The following EPB41L2 variants were observed in gnomAD, a reference collection of about 807,000 sequenced individuals.
EPB41L2 encodes the protein erythrocyte membrane protein band 4.1 like 2, also known as band 4.1-like protein 2.
Under a neutral mutation model 113.0 loss-of-function variants are expected in EPB41L2, and 43 were observed. The observed-to-expected ratio is 0.38, with a 90% confidence interval of 0.30 to 0.49. The LOEUF is 0.49. EPB41L2 is among the 20% of genes least tolerant of loss of function. The pLI is 0.95. For synonymous variants in EPB41L2, 442 were observed against 436.7 expected (o/e 1.01, Z -0.15); for missense variants, 1,147 against 1,223.4 (o/e 0.94, Z 0.93).
At chr6:131,012,379 G>C (rs1787236800) in intron 1 of EPB41L2, among the ~76,000 whole-genome samples, 1 of 148,812 alleles carries the variant, frequency 6.7e-6, no homozygotes, top group Non-Finnish European at 1.5e-5. Context: ...CCTGTGAACT[G>C]TAGGATGTTT....
chr6:131,025,419 A>G (rs1454853210), intron 1 of EPB41L2, among the ~76,000 whole-genome samples: 1 of 152,162 alleles, frequency 6.6e-6, no homozygotes, highest in East Asian at 1.9e-4. Context: ...AACAGATTTG[A>G]TCGAGATCAG....
rs963713016 is a variant in EPB41L2, at chr6:130,957,520, C to T, written c.-14-1021G>A. 8.6e-5 allele frequency among the ~76,000 whole-genome samples: 13 copies of T among 151,966 alleles called. 1 individual carries two copies. The highest frequency in any genetic ancestry group is 6.6e-4 in the Admixed American group (10 of 15,266). On this transcript the variant is annotated intron_variant, in intron 1 of 19. Transcript: ENST00000337057. ...TCAAAGGTGGTAAAAACTTAAGAGA[C>T]GGACATGGTTATTCCTGTAGTCACA...
intron 4 of EPB41L2, among the ~76,000 whole-genome samples, chr6:130,923,578 C>T (rs1243153627): frequency 2.0e-5 from 3 of 152,222 alleles, no homozygotes; most frequent in Non-Finnish European, 4.4e-5. Context: ...CCAAAGTCCA[C>T]TCACACATGA....
At chr6:131,036,128 A>AG (rs1156442902) in intron 1 of EPB41L2, among the ~76,000 whole-genome samples, 3 of 152,234 alleles carry the variant, frequency 2.0e-5, no homozygotes, top group Admixed American at 2.0e-4. Flanking sequence ...ACTGACTTAA[A>AG]GGATGATTAT....
intron 18 of EPB41L2, among the ~76,000 whole-genome samples, chr6:130,860,480 A>G (rs1781660477): frequency 6.6e-6 from 1 of 152,262 alleles, no homozygotes; most frequent in Non-Finnish European, 1.5e-5. Flanking sequence ...TATTATGGCA[A>G]TAATAAGGAT....
At chr6:130,907,993 G>A (rs1163510532) in intron 5 of EPB41L2, among the ~76,000 whole-genome samples, 3 of 152,140 alleles carry the variant, frequency 2.0e-5, no homozygotes, top group African/African-American at 4.8e-5. Flanking sequence ...TCTCCAGACC[G>A]AAAATTCCAA....
At chr6:130,997,899 T>C (rs1375030079) in intron 1 of EPB41L2, among the ~76,000 whole-genome samples, 3 of 152,212 alleles carry the variant, frequency 2.0e-5, no homozygotes, top group Admixed American at 6.5e-5. Context: ...AATCGAGTTA[T>C]TGCAACTGTT....
chr6:130,943,065 A>G (rs1025778037), intron 3 of EPB41L2, among the ~76,000 whole-genome samples: 19 of 152,172 alleles, frequency 1.2e-4, no homozygotes, highest in African/African-American at 4.3e-4. Flanking sequence ...ATACATGTGC[A>G]TGTGTCTTTT....
At chr6:130,954,615 G>A (rs1385286176) in intron 3 of EPB41L2, among the ~76,000 whole-genome samples, 2 of 152,134 alleles carry the variant, frequency 1.3e-5, no homozygotes, top group South Asian at 2.1e-4. Context: ...TACTAGATGC[G>A]TTAAAAGATT....
At chr6:130,950,038 A>G (rs1344864671) in intron 3 of EPB41L2, among the ~76,000 whole-genome samples, 1 of 152,218 alleles carries the variant, frequency 6.6e-6, no homozygotes, top group Non-Finnish European at 1.5e-5. Context: ...ATGTGGGGGC[A>G]GTCAAGAGTT....
chr6:131,015,622 A>ACT (rs1194127106), intron 1 of EPB41L2, among the ~76,000 whole-genome samples: 2 of 152,220 alleles, frequency 1.3e-5, no homozygotes, highest in Non-Finnish European at 2.9e-5. Context: ...CTATTAGAAC[A>ACT]CTCATCTTAA....
At chr6:130,929,193 G>A (rs1293723630) in intron 3 of EPB41L2, among the ~76,000 whole-genome samples, 1 of 152,170 alleles carries the variant, frequency 6.6e-6, no homozygotes, top group African/African-American at 2.4e-5. Flanking sequence ...TGTACAAAGT[G>A]CTATCAGAAC....
intron 1 of EPB41L2, among the ~76,000 whole-genome samples, chr6:131,054,618 T>C (rs986470040): frequency 1.3e-5 from 2 of 152,244 alleles, no homozygotes; most frequent in African/African-American, 4.8e-5. Flanking sequence ...CGGGCGCCAC[T>C]TGTGGCACAT....
intron 1 of EPB41L2, among the ~76,000 whole-genome samples, chr6:131,056,142 G>T (rs1797535915): frequency 6.6e-6 from 1 of 152,132 alleles, no homozygotes; most frequent in African/African-American, 2.4e-5. Flanking sequence ...CGATGTTGCT[G>T]GAAAATATGT....
Position 130,874,062 on chromosome 6 carries a change from A to G in EPB41L2, c.2044-3936T>C, listed in dbSNP as rs187388732. Among the ~76,000 whole-genome samples, 236 of 152,274 alleles carry G rather than the reference A, an allele frequency of 1.5e-3. 1 individual carries two copies. The highest frequency in any genetic ancestry group is 5.3e-3 in the African/African-American group (222 of 41,550). On this transcript the variant is annotated intron_variant, in intron 14 of 19. Coordinates refer to ENST00000337057, the MANE Select transcript of EPB41L2 (RefSeq NM_001431.4). ...TATCCAATGACATACCTTCAAAAGT[A>G]CCTTACAACTCAATGTACATAATCT...
intron 17 of EPB41L2, among the ~76,000 whole-genome samples, chr6:130,864,071 T>C (rs1189966392): frequency 3.9e-5 from 6 of 152,214 alleles, no homozygotes; most frequent in Admixed American, 3.3e-4. Context: ...TGTTATAGTT[T>C]CCCGAGTTTC....
At chr6:130,964,446 G>A (rs1159244026) in intron 1 of EPB41L2, among the ~76,000 whole-genome samples, 9 of 150,968 alleles carry the variant, frequency 6.0e-5, no homozygotes, top group African/African-American at 2.0e-4. Flanking sequence ...CCATGTAACC[G>A]CAGACAAGTT....
intron 1 of EPB41L2, among the ~76,000 whole-genome samples, chr6:131,031,707 T>C (rs746813329): frequency 5.9e-5 from 9 of 152,176 alleles, no homozygotes; most frequent in Non-Finnish European, 1.2e-4. Context: ...GAGATAGTAA[T>C]TGTCACTATA....
chr6:131,028,418 C>T (rs558924992), intron 1 of EPB41L2, among the ~76,000 whole-genome samples: 5 of 152,168 alleles, frequency 3.3e-5, no homozygotes, highest in African/African-American at 9.6e-5. Flanking sequence ...TAAAAATATC[C>T]CAATGTCTGG....
Sources: allele counts gnomAD v4.1 joint callset (sites outside exome capture counted in the v4.1 genomes callset), GRCh38; gene constraint gnomAD v4.1.1; transcripts MANE v1.5; gene names NCBI Gene and HGNC (gene_info 2026-07-23, HGNC 2026-07-21).